PAK3: variants seen among roughly 807,000 people sequenced by gnomAD.
PAK3 encodes p21 (RAC1) activated kinase 3, also known as serine/threonine-protein kinase PAK 3.
In PAK3, 4 loss-of-function variants were observed where a neutral mutation model predicts 41.0. That is an observed-to-expected ratio of 0.10 (90% CI 0.05 to 0.22). The LOEUF is 0.22. PAK3 is among the 10% of genes least tolerant of loss of function. The pLI is 1.00. For missense variants in PAK3, 205 were observed against 409.9 expected (o/e 0.50, Z 4.32); for synonymous variants, 146 against 139.6 (o/e 1.05, Z -0.32).
chrX:111,002,510 G>A (rs1001629382), intron 1 of PAK3, among the ~76,000 whole-genome samples: 4 of 111,855 alleles, frequency 3.6e-5, no homozygotes, highest in East Asian at 2.8e-4. Flanking sequence ...AAGAAGGCCC[G>A]AAGCATGTGG....
chrX:111,006,822 T>C (rs1250684004), intron 1 of PAK3, among the ~76,000 whole-genome samples: 5 of 12,243 alleles, frequency 4.1e-4, no homozygotes, highest in Admixed American at 2.2e-3. Flanking sequence ...CCTTTCTTTC[T>C]TTCTTTCTTT....
chrX:110,986,309 G>T (rs1176085584), intron 1 of PAK3, among the ~76,000 whole-genome samples: 5 of 111,783 alleles, frequency 4.5e-5, no homozygotes, highest in Non-Finnish European at 9.4e-5. Flanking sequence ...TACAGGGCTG[G>T]ATTGTATCTG....
chrX:111,105,851 G>T (rs5985318), intron 4 of PAK3, among the ~76,000 whole-genome samples: 6 of 110,006 alleles, frequency 5.5e-5, no homozygotes, highest in African/African-American at 2.0e-4. Flanking sequence ...ACTGAAAACC[G>T]TCACTCTACC....
chrX:111,014,478 C>T (rs886706047), intron 1 of PAK3, among the ~76,000 whole-genome samples: 4 of 111,702 alleles, frequency 3.6e-5, no homozygotes, highest in African/African-American at 1.3e-4. Context: ...TTGCTCCTGG[C>T]AGAACCCTTG....
intron 17 of PAK3, among the ~76,000 whole-genome samples, chrX:111,218,340 C>A (rs778511321): frequency 8.9e-6 from 1 of 112,388 alleles, no homozygotes; most frequent in Non-Finnish European, 1.9e-5. Context: ...AAGAAGTTCA[C>A]AACCTTCTTA....
intron 1 of PAK3, among the ~76,000 whole-genome samples, chrX:110,962,121 A>T (rs781326546): frequency 8.9e-6 from 1 of 111,787 alleles, no homozygotes; most frequent in South Asian, 3.8e-4. Flanking sequence ...TGACTCCCAG[A>T]TATATTACCC....
In PAK3 at chrX:111,071,753, T is replaced by C. The variant is rs202140158; in HGVS notation, c.-27-51324T>C. ...TTGAACAAATAGTACTGTTCAAATT[T>C]TCTAATTCAAGTCCACATGTTCCAG... On this transcript the variant is annotated intron_variant, in intron 1 of 14. Transcript: ENST00000425146. Among the ~76,000 whole-genome samples the C allele has an allele frequency of 2.5e-4, 28 of 112,250 alleles. No individual in the cohort carries two copies. The South Asian group carries it at 3.4e-3, about 13-fold the overall frequency.
At chrX:110,982,693 G>T (rs776117016) in intron 1 of PAK3, among the ~76,000 whole-genome samples, 1 of 111,589 alleles carries the variant, frequency 9.0e-6, no homozygotes, top group Non-Finnish European at 1.9e-5. Context: ...TCCACAACCT[G>T]TTACTGAAAA....
chrX:111,084,231 A>G (rs889361400), intron 1 of PAK3, among the ~76,000 whole-genome samples: 12 of 111,999 alleles, frequency 1.1e-4, no homozygotes, highest in Admixed American at 1.9e-4. Flanking sequence ...ACACATTTCT[A>G]TTGCTTCCTG....
At chrX:111,152,670 G>A (rs2094046420) in intron 8 of PAK3, 4 of 316,346 alleles carry the variant, frequency 1.3e-5, no homozygotes, top group Non-Finnish European at 1.1e-5. Context: ...TTTAGAACAA[G>A]TCCATCACCC....
chrX:111,040,865 T>C (rs1358616201), intron 1 of PAK3, among the ~76,000 whole-genome samples: 1 of 111,905 alleles, frequency 8.9e-6, no homozygotes, highest in African/African-American at 3.3e-5. Flanking sequence ...TAGTCGAGAT[T>C]GAAACTATCA....
chrX:111,133,813 G>A (rs973883862), intron 5 of PAK3, among the ~76,000 whole-genome samples: 2 of 111,867 alleles, frequency 1.8e-5, no homozygotes, highest in Non-Finnish European at 1.9e-5. Flanking sequence ...TTAAAATTAT[G>A]ACATGTACCA....
intron 1 of PAK3, among the ~76,000 whole-genome samples, chrX:111,043,958 C>A (rs940918370): frequency 3.6e-5 from 4 of 112,223 alleles, no homozygotes; most frequent in African/African-American, 1.3e-4. Context: ...TTACTCATCT[C>A]TTTAGGTTCT....
intron 1 of PAK3, among the ~76,000 whole-genome samples, chrX:111,086,926 G>C (rs1287422712): frequency 8.9e-6 from 1 of 111,817 alleles, no homozygotes; most frequent in Non-Finnish European, 1.9e-5. Flanking sequence ...ACTATAATTA[G>C]CATATTGGTA....
chrX:110,960,369 T>A (rs1175790565), intron 1 of PAK3, among the ~76,000 whole-genome samples: 1 of 112,026 alleles, frequency 8.9e-6, no homozygotes, highest in Non-Finnish European at 1.9e-5. Flanking sequence ...GAGGGATCAA[T>A]TTTAAATATA....
In PAK3 at chrX:111,173,036, G is replaced by A; in HGVS notation, c.785G>A (p.Gly262Glu). ...LEKLRSIVSVGDPKKKYTRFE... is the reference protein window; with the variant it reads ...LEKLRSIVSVEDPKKKYTRFE... ...CTCTTAGGAAGCATTGTGAGTGTTG[G>A]GGACCCAAAGAAAAAATACACAAGA... is the stretch of plus-strand genomic sequence containing the variant. The change falls in exon 11 of 18, where the codon GGG (glycine) becomes GAG (glutamate). Residue 262 changes from glycine to glutamate, a missense_variant. Physicochemically the swap from Gly to Glu is moderately conservative, Grantham distance 98. Transcript: ENST00000372007. 8.8e-7 allele frequency: 1 copy of A among 1,139,323 alleles called. No homozygotes were observed. Among genetic ancestry groups the A allele is most frequent in the Non-Finnish European group, 1.2e-6 (1 of 831,847 alleles). 93.9% of individuals were successfully genotyped at this position (1,139,323 alleles called of 1,213,427 possible).
At chrX:110,979,296 CTT>C (rs869275249) in intron 1 of PAK3, among the ~76,000 whole-genome samples, 126 of 9,058 alleles carry the variant, frequency 0.014, no homozygotes, top group African/African-American at 0.02. Flanking sequence ...TATTACTTTT[CTT>C]TTTTTTTTTT....
intron 1 of PAK3, among the ~76,000 whole-genome samples, chrX:110,990,407 G>A (rs1322556685): frequency 8.9e-6 from 1 of 111,895 alleles, no homozygotes; most frequent in African/African-American, 3.3e-5. Flanking sequence ...ATGCCAAGAA[G>A]CATAGGCCTA....
At position 111,226,735 on chromosome X, in the gene PAK3, G is replaced by A. The variant is rs2094955065; in HGVS notation, c.*6288G>A. On this transcript the variant is annotated 3_prime_UTR_variant, in exon 18 of 18. Coordinates refer to ENST00000372007, the MANE Select transcript of PAK3 (RefSeq NM_002578.5). Reference sequence around the variant, plus strand: ...AGTTAGTGGATGGTCCCAATGCCCTGCCTACAGCAGAGTGCCAACCAGCCC... The same window carrying A: ...AGTTAGTGGATGGTCCCAATGCCCTACCTACAGCAGAGTGCCAACCAGCCC... 8.9e-6 allele frequency: 1 copy of A among 111,954 alleles called. No individual in the cohort carries two copies. Among genetic ancestry groups the A allele is most frequent in the East Asian group, 2.8e-4 (1 of 3,554 alleles). The allele number at this position is 111,954 out of a possible 1,213,427, so 9.2% of individuals were successfully genotyped here.
Sources: allele counts gnomAD v4.1 joint callset (sites outside exome capture counted in the v4.1 genomes callset), GRCh38; gene constraint gnomAD v4.1.1; transcripts MANE v1.5; gene names NCBI Gene and HGNC (gene_info 2026-07-23, HGNC 2026-07-21).